Variants in FMN1 observed in about 807,000 individuals in gnomAD.
FMN1 encodes formin 1.
In FMN1, 110 loss-of-function variants were observed where a neutral mutation model predicts 132.4. The observed-to-expected ratio is 0.83, with a 90% CI of 0.71 to 0.97. The LOEUF (loss-of-function observed/expected upper bound fraction) is 0.97, where lower values mean the gene tolerates loss of function less well. Among genes scored for constraint, FMN1 ranks in the 50% least tolerant of loss-of-function variants. FMN1 has a pLI of 0.00. For synonymous variants in FMN1, 722 were observed against 651.7 expected, an observed-to-expected ratio of 1.11 and a Z score of -1.64; for missense variants, 1,792 against 1,705.3, an observed-to-expected ratio of 1.05 and a Z score of -0.90.
chr15:33,157,393 A>G (rs1964716711), intron 3 of FMN1, among the ~76,000 whole-genome samples: 1 of 152,158 alleles, frequency 6.6e-6, no homozygotes, highest in African/African-American at 2.4e-5. Context: ...ATATACACTT[A>G]TATTTTCATT....
intron 17 of FMN1, among the ~76,000 whole-genome samples, chr15:32,830,351 A>G (rs1205794192): frequency 2.0e-5 from 3 of 152,082 alleles, no homozygotes; most frequent in Non-Finnish European, 4.4e-5. Context: ...CTTCTTCATT[A>G]GTTTGATTGT....
intron 6 of FMN1, among the ~76,000 whole-genome samples, chr15:33,020,976 T>C (rs1200463193): frequency 3.3e-5 from 5 of 152,248 alleles, no homozygotes; most frequent in Non-Finnish European, 4.4e-5. Flanking sequence ...ATACTTCCTA[T>C]GGCTTTAAGC....
chr15:33,079,295 A>G (rs546712376), intron 5 of FMN1, among the ~76,000 whole-genome samples: 1 of 152,258 alleles, frequency 6.6e-6, no homozygotes, highest in South Asian at 2.1e-4. Context: ...TGATGCAATA[A>G]TTTAGCCAAG....
chr15:32,934,913 CA>C (rs920001545), intron 9 of FMN1, among the ~76,000 whole-genome samples: 1 of 149,882 alleles, frequency 6.7e-6, no homozygotes, highest in Non-Finnish European at 1.5e-5. Context: ...GGCCAAAAGA[CA>C]ATTTTTCTTT....
chr15:33,120,516 T>C (rs1566933545), intron 4 of FMN1, among the ~76,000 whole-genome samples: 1 of 152,172 alleles, frequency 6.6e-6, no homozygotes, highest in Non-Finnish European at 1.5e-5. Context: ...AATTGTATAA[T>C]CCAAAAAATG....
Position 33,108,244 on chromosome 15 carries a change from G to A in FMN1, c.1868-19270C>T, listed in dbSNP as rs115339404. 2.1e-3 allele frequency among the ~76,000 whole-genome samples: 318 copies of A among 152,040 alleles called. 1 individual carries two copies. The highest frequency in any genetic ancestry group is 7.4e-3 in the African/African-American group (307 of 41,494). Reference sequence around the variant, plus strand: ...TCTTCATTGGCTTAACTAGAAAAAAGAAAAGATATGAAACTCAATCAGACA... The same window carrying A: ...TCTTCATTGGCTTAACTAGAAAAAAAAAAAGATATGAAACTCAATCAGACA... On this transcript the variant is annotated intron_variant, in intron 4 of 20. Transcript: ENST00000616417.
intron 17 of FMN1, among the ~76,000 whole-genome samples, chr15:32,840,775 T>A (rs1314847030): frequency 6.6e-6 from 1 of 152,146 alleles, no homozygotes; most frequent in African/African-American, 2.4e-5. Flanking sequence ...TCATGCCCCA[T>A]TTGTACAGAA....
chr15:32,944,797 G>A (rs1396814479), intron 9 of FMN1, among the ~76,000 whole-genome samples: 3 of 152,130 alleles, frequency 2.0e-5, no homozygotes, highest in Non-Finnish European at 4.4e-5. Context: ...GGAGGGGGGA[G>A]GGTAGGGCTG....
At chr15:32,945,970 ACT>A (rs2061501457) in intron 9 of FMN1, among the ~76,000 whole-genome samples, 1 of 151,544 alleles carries the variant, frequency 6.6e-6, no homozygotes, top group Admixed American at 6.6e-5. Flanking sequence ...AAGTCACTCC[ACT>A]CTGTTAATTT....
intron 10 of FMN1, among the ~76,000 whole-genome samples, chr15:32,922,194 T>TG (rs1361600837): frequency 2.0e-5 from 3 of 152,154 alleles, no homozygotes; most frequent in Non-Finnish European, 4.4e-5. Flanking sequence ...TCATGACACC[T>TG]GATGCGGAGC....
rs1297726139 is a variant in FMN1 at position 32,773,787 on chromosome 15, A to G, written c.*523T>C. 6.4e-6 allele frequency: 1 copy of G among 155,718 alleles called. No homozygotes were observed. Among genetic ancestry groups the G allele is most frequent in the African/African-American group, 2.4e-5 (1 of 41,474 alleles). The allele number at this position is 155,718 out of a possible 1,614,324, so 9.6% of individuals were successfully genotyped here. ...TAATACATGTTCTTGGACCTCTTCAAGAATAGTTTTGGTGAGTTGCAACAT... is the reference window on the plus strand; with the variant it reads ...TAATACATGTTCTTGGACCTCTTCAGGAATAGTTTTGGTGAGTTGCAACAT... On this transcript the variant is annotated 3_prime_UTR_variant, in exon 21 of 21. Coordinates refer to ENST00000616417, the MANE Select transcript of FMN1 (RefSeq NM_001277313.2).
intron 19 of FMN1, among the ~76,000 whole-genome samples, chr15:32,796,028 C>T (rs1299884158): frequency 6.6e-6 from 1 of 152,184 alleles, no homozygotes; most frequent in Non-Finnish European, 1.5e-5. Flanking sequence ...GGCACAAGAA[C>T]TTAGGACATT....
chr15:33,035,952 A>G (rs2036172244), intron 6 of FMN1, among the ~76,000 whole-genome samples: 1 of 152,200 alleles, frequency 6.6e-6, no homozygotes, highest in African/African-American at 2.4e-5. Flanking sequence ...CTTTATAAGA[A>G]GAGGAAGAGA....
chr15:32,796,874 T>C (rs1185729928), intron 19 of FMN1, among the ~76,000 whole-genome samples: 1 of 152,220 alleles, frequency 6.6e-6, no homozygotes, highest in African/African-American at 2.4e-5. Context: ...TCATCAACTT[T>C]CAGAGATGTT....
chr15:33,082,970 G>A (rs979692937), intron 5 of FMN1, among the ~76,000 whole-genome samples: 2 of 152,000 alleles, frequency 1.3e-5, no homozygotes, highest in Admixed American at 1.3e-4. Flanking sequence ...CAGAGCTTTG[G>A]GTTCAGTCTT....
At chr15:33,056,122 C>T (rs2037205367) in intron 6 of FMN1, among the ~76,000 whole-genome samples, 1 of 152,170 alleles carries the variant, frequency 6.6e-6, no homozygotes, top group Non-Finnish European at 1.5e-5. Context: ...ATAAAAATCC[C>T]TTTGAAACAC....
intron 17 of FMN1, among the ~76,000 whole-genome samples, chr15:32,817,607 T>C (rs2058093729): frequency 6.6e-6 from 1 of 152,248 alleles, no homozygotes; most frequent in Admixed American, 6.5e-5. Context: ...AAGAAGATGC[T>C]GCAGAAGATA....
At chr15:32,910,999 T>C (rs2060548428) in intron 10 of FMN1, among the ~76,000 whole-genome samples, 1 of 152,324 alleles carries the variant, frequency 6.6e-6, no homozygotes, top group East Asian at 1.9e-4. Context: ...CAGGCACCTT[T>C]CCGTGGCCAC....
chr15:33,130,194 A>C (rs1963479394), intron 4 of FMN1, among the ~76,000 whole-genome samples: 1 of 152,226 alleles, frequency 6.6e-6, no homozygotes, highest in South Asian at 2.1e-4. Flanking sequence ...ATGCCAGTTA[A>C]GATTGCCCTG....
Sources: gnomAD v4.1 joint callset for allele counts (sites outside exome capture counted in the v4.1 genomes callset) on GRCh38, gnomAD v4.1.1 for gene constraint, MANE v1.5 for transcripts, NCBI Gene and HGNC (gene_info 2026-07-23, HGNC 2026-07-21) for gene names.